Variants in MAGI2 observed in about 807,000 individuals in gnomAD.
MAGI2 encodes membrane associated guanylate kinase, WW and PDZ domain containing 2.
Under a neutral mutation model 133.3 loss-of-function variants are expected in MAGI2, and 35 were observed. The ratio of observed to expected loss-of-function variants is 0.26; its 90% CI spans 0.20 to 0.35. The LOEUF is 0.35. MAGI2 is among the 10% of genes least tolerant of loss of function. The pLI, the probability that MAGI2 is intolerant of heterozygous loss-of-function variation, is 1.00. For synonymous variants in MAGI2, 729 were observed against 710.6 expected (o/e 1.03, Z -0.41); for missense variants, 1,636 against 1,863.4 (o/e 0.88, Z 2.25).
chr7:78,582,235 C>T (rs1229360103), intron 3 of MAGI2, among the ~76,000 whole-genome samples: 1 of 152,058 alleles, frequency 6.6e-6, no homozygotes, highest in East Asian at 1.9e-4. Context: ...TAACCATGCC[C>T]CTCAACCAGT....
intron 3 of MAGI2, among the ~76,000 whole-genome samples, chr7:78,527,029 A>AAAAAAAAAAAAAAG (rs1563125198): frequency 5.6e-5 from 7 of 124,866 alleles, no homozygotes; most frequent in Middle Eastern, 4.6e-3. Context: ...AAAAAAAAAA[A>AAAAAAAAAAAAAAG]AAAAAGAAAA....
intron 20 of MAGI2, among the ~76,000 whole-genome samples, chr7:78,080,324 A>C (rs1406734544): frequency 6.6e-6 from 1 of 152,256 alleles, no homozygotes; most frequent in African/African-American, 2.4e-5. Flanking sequence ...GGGGCAGTGG[A>C]TGAGGTTTAC....
chr7:78,433,528 G>A (rs934482940), intron 6 of MAGI2, among the ~76,000 whole-genome samples: 9 of 151,884 alleles, frequency 5.9e-5, no homozygotes, highest in Admixed American at 2.0e-4. Context: ...TTCCTCCCCC[G>A]AATTTTCTCC....
intron 1 of MAGI2, among the ~76,000 whole-genome samples, chr7:79,071,626 ATT>A (rs34186484): frequency 0.71 from 103,903 of 146,934 alleles, 38,312 homozygotes; most frequent in Non-Finnish European, 0.84. Context: ...GCTTCCTGCA[ATT>A]TTTTTTTTTT....
chr7:78,506,076 TCTC>T (rs1795058482), intron 4 of MAGI2, among the ~76,000 whole-genome samples: 1 of 152,154 alleles, frequency 6.6e-6, no homozygotes. Flanking sequence ...CCCACAAAGA[TCTC>T]CTTAACTATT....
intron 21 of MAGI2, among the ~76,000 whole-genome samples, chr7:78,024,512 C>T (rs1808727056): frequency 6.6e-6 from 1 of 152,168 alleles, no homozygotes; most frequent in Non-Finnish European, 1.5e-5. Flanking sequence ...TGGAGTCATC[C>T]TTGATTCCTT....
chr7:78,092,355 A>C (rs1232876912), intron 20 of MAGI2, among the ~76,000 whole-genome samples: 1 of 152,230 alleles, frequency 6.6e-6, no homozygotes, highest in East Asian at 1.9e-4. Flanking sequence ...GTAGCAGTGC[A>C]TCACTATCAT....
chr7:78,573,901 A>T (rs1318898798), intron 3 of MAGI2, among the ~76,000 whole-genome samples: 1 of 152,010 alleles, frequency 6.6e-6, no homozygotes, highest in Non-Finnish European at 1.5e-5. Context: ...GCATCCTGAG[A>T]TCTGAGCTGA....
intron 1 of MAGI2, among the ~76,000 whole-genome samples, chr7:79,227,592 A>C (rs1380009249): frequency 6.6e-6 from 1 of 152,148 alleles, no homozygotes; most frequent in African/African-American, 2.4e-5. Flanking sequence ...TCCACTGATG[A>C]AGCATATAAA....
chr7:79,135,036 T>G (rs1000595689), intron 1 of MAGI2, among the ~76,000 whole-genome samples: 1 of 152,212 alleles, frequency 6.6e-6, no homozygotes, highest in South Asian at 2.1e-4. Flanking sequence ...TTTCCTTTAA[T>G]ATAATTTAGA....
chr7:78,491,870 ATTGTGTGTGT>A (rs1793640789), intron 5 of MAGI2, among the ~76,000 whole-genome samples: 1 of 96,248 alleles, frequency 1.0e-5, no homozygotes, highest in African/African-American at 4.6e-5. Flanking sequence ...CTCCGTTCAA[ATTGTGTGTGT>A]GTGTGTGTGT....
chr7:79,077,589 AAAAAAATAAATAAAT>A (rs1252650710), intron 1 of MAGI2, among the ~76,000 whole-genome samples: 4 of 135,698 alleles, frequency 2.9e-5, no homozygotes, highest in South Asian at 2.4e-4. Flanking sequence ...AAAAAAAAAA[AAAAAAATAAATAAAT>A]AAATAAATTC....
chr7:78,706,418 A>C (rs998557603), intron 2 of MAGI2, among the ~76,000 whole-genome samples: 1 of 152,116 alleles, frequency 6.6e-6, no homozygotes, highest in Non-Finnish European at 1.5e-5. Flanking sequence ...AAGTCCAATT[A>C]AACCTCTTTT....
At chr7:78,837,621 G>C (rs1446886470) in intron 2 of MAGI2, among the ~76,000 whole-genome samples, 1 of 152,046 alleles carries the variant, frequency 6.6e-6, no homozygotes, top group Admixed American at 6.6e-5. Context: ...AACACTGAAA[G>C]ATTTTATTGT....
chr7:78,243,862 G>T (rs1435528379), intron 10 of MAGI2, among the ~76,000 whole-genome samples: 1 of 152,004 alleles, frequency 6.6e-6, no homozygotes, highest in Non-Finnish European at 1.5e-5. Context: ...CTCTGGGTTT[G>T]TCATATTCCA....
intron 1 of MAGI2, among the ~76,000 whole-genome samples, chr7:79,369,185 T>C (rs1244088940): frequency 6.6e-6 from 1 of 152,172 alleles, no homozygotes. Flanking sequence ...GATAAATACC[T>C]AAAACTTAGA....
chr7:79,335,409 C>T (rs2129094548), intron 1 of MAGI2, among the ~76,000 whole-genome samples: 1 of 151,562 alleles, frequency 6.6e-6, no homozygotes, highest in East Asian at 1.9e-4. Flanking sequence ...CTCTCAAGGT[C>T]AAAAATAGAA....
At chr7:79,227,021 A>T (rs1368841190) in intron 1 of MAGI2, among the ~76,000 whole-genome samples, 1 of 152,206 alleles carries the variant, frequency 6.6e-6, no homozygotes, top group African/African-American at 2.4e-5. Flanking sequence ...CTACTGAAGT[A>T]AACATTTCAA....
chr7:78,263,570 C>T (rs1332834849), intron 9 of MAGI2, among the ~76,000 whole-genome samples: 2 of 151,348 alleles, frequency 1.3e-5, no homozygotes, highest in Non-Finnish European at 1.5e-5. Context: ...CCATTTTGAC[C>T]TCTAGGAATA....
Sources: gnomAD v4.1 joint callset for allele counts (sites outside exome capture counted in the v4.1 genomes callset) on GRCh38, gnomAD v4.1.1 for gene constraint, MANE v1.5 for transcripts, NCBI Gene and HGNC (gene_info 2026-07-23, HGNC 2026-07-21) for gene names.